The following SLC5A8 variants were observed in gnomAD, a reference collection of about 807,000 sequenced individuals.
The protein encoded by SLC5A8 is solute carrier family 5 member 8.
In SLC5A8, 55 loss-of-function variants were observed where a neutral mutation model predicts 71.9. That is an observed-to-expected ratio of 0.77 (90% CI 0.62 to 0.96). SLC5A8 has a LOEUF of 0.96. Among genes scored for constraint, SLC5A8 ranks in the 40% least tolerant of loss-of-function variants. The pLI is 0.00. For missense variants in SLC5A8, 701 were observed against 745.3 expected (o/e 0.94, Z 0.69); for synonymous variants, 307 against 276.1 (o/e 1.11, Z -1.11).
At chr12:101,163,343 T>C (rs563191888) in intron 12 of SLC5A8, among the ~76,000 whole-genome samples, 2 of 152,110 alleles carry the variant, frequency 1.3e-5, no homozygotes, top group Non-Finnish European at 2.9e-5. Flanking sequence ...ACCTGGGGCA[T>C]GGGGAGGGAG....
chr12:101,170,645 A>C (rs1378427123), intron 10 of SLC5A8, among the ~76,000 whole-genome samples: 2 of 152,134 alleles, frequency 1.3e-5, no homozygotes, highest in Non-Finnish European at 2.9e-5. Flanking sequence ...GGAAGATAGA[A>C]AACTCTTAGA....
chr12:101,181,784 T>A (rs1868374791), intron 9 of SLC5A8, among the ~76,000 whole-genome samples: 1 of 152,218 alleles, frequency 6.6e-6, no homozygotes, highest in East Asian at 1.9e-4. Flanking sequence ...TCTGAAATTA[T>A]GTTCCAGGAT....
chr12:101,179,593 A>T (rs2137141173), intron 10 of SLC5A8, among the ~76,000 whole-genome samples: 1 of 152,348 alleles, frequency 6.6e-6, no homozygotes, highest in African/African-American at 2.4e-5. Flanking sequence ...AAATTATAGA[A>T]ATGGAAAACA....
chr12:101,209,184 G>T (rs570709765), intron 1 of SLC5A8, among the ~76,000 whole-genome samples: 30 of 152,316 alleles, frequency 2.0e-4, no homozygotes, highest in Middle Eastern at 3.4e-3. Flanking sequence ...AATCAAAGAT[G>T]CTAAAGGTAG....
intron 14 of SLC5A8, 114 bp downstream of exon 14, chr12:101,158,135 G>A (rs1400665308): frequency 3.9e-6 from 3 of 761,786 alleles, no homozygotes; most frequent in East Asian, 2.5e-5. Context: ...ATTATATAGG[G>A]TCTATACCTT....
chr12:101,165,702 G>T (rs947550446), intron 12 of SLC5A8, among the ~76,000 whole-genome samples: 1 of 152,164 alleles, frequency 6.6e-6, no homozygotes, highest in African/African-American at 2.4e-5. Flanking sequence ...TCTCTCAGGA[G>T]TGTGTCCATT....
intron 3 of SLC5A8, among the ~76,000 whole-genome samples, chr12:101,198,168 A>G (rs1183947244): frequency 1.5e-4 from 23 of 152,050 alleles, no homozygotes; most frequent in Non-Finnish European, 3.1e-4. Context: ...CTGCAGATAA[A>G]GCAGTGTTTC....
At chr12:101,194,137 AAAT>A in intron 4 of SLC5A8, among the ~76,000 whole-genome samples, 1 of 152,300 alleles carries the variant, frequency 6.6e-6, no homozygotes, top group South Asian at 2.1e-4. Flanking sequence ...AATTACTAGT[AAAT>A]AATATGAATT....
chr12:101,204,578 A>C lies in SLC5A8; in HGVS notation c.352-13T>G. 6.4e-7 allele frequency: 1 copy of C among 1,570,138 alleles called. No homozygotes were observed. Among genetic ancestry groups the C allele is most frequent in the Non-Finnish European group, 8.6e-7 (1 of 1,160,886 alleles). ...GAAGTTCTAAATACTGTTGCAAAAA[A>C]AAAAATTATGCGAATCCTCTGGATG... is the stretch of plus-strand genomic sequence containing the variant. On this transcript the variant is annotated splice_polypyrimidine_tract_variant and intron_variant, in intron 1 of 14. Coordinates refer to ENST00000536262, the MANE Select transcript of SLC5A8 (RefSeq NM_145913.5).
chr12:101,186,386 G>A (rs566889224), intron 7 of SLC5A8, among the ~76,000 whole-genome samples: 15 of 152,248 alleles, frequency 9.9e-5, no homozygotes, highest in African/African-American at 3.6e-4. Context: ...TTTTCTGGGA[G>A]CATGAGATGC....
At chr12:101,159,392 A>G (rs1482558052) in intron 13 of SLC5A8, among the ~76,000 whole-genome samples, 1 of 152,232 alleles carries the variant, frequency 6.6e-6, no homozygotes, top group African/African-American at 2.4e-5. Flanking sequence ...TCTACTTAGG[A>G]AACTATTTGC....
At chr12:101,178,229 C>G (rs2051899026) in intron 10 of SLC5A8, among the ~76,000 whole-genome samples, 2 of 152,048 alleles carry the variant, frequency 1.3e-5, no homozygotes, top group African/African-American at 4.8e-5. Flanking sequence ...GTCATTTCTT[C>G]TCAAATGGAT....
chr12:101,175,082 G>A (rs182083855), intron 10 of SLC5A8, among the ~76,000 whole-genome samples: 6 of 151,826 alleles, frequency 4.0e-5, no homozygotes, highest in Non-Finnish European at 7.4e-5. Context: ...AATATATATA[G>A]AGAGAAAAAT....
rs768578179 is a variant in SLC5A8, at chr12:101,184,246, C to T, written c.964-24G>A. ...AGCTGAAAAATTCCAAAATTTATTT[C>T]CAAGTACTTTCGCTACTGAATAAAA... On this transcript the variant is annotated intron_variant, in intron 7 of 14. Transcript: ENST00000536262. 1.0e-5 allele frequency: 16 copies of T among 1,592,584 alleles called. No individual in the cohort carries two copies. In the Admixed American group the frequency reaches 1.2e-4, roughly 12 times the overall value.
At chr12:101,158,226 A>T in intron 14 of SLC5A8, 23 bp downstream of exon 14, 1 of 1,507,502 alleles carries the variant, frequency 6.6e-7, no homozygotes, top group Non-Finnish European at 9.2e-7. Flanking sequence ...TTCCTAACTC[A>T]AGGTAAATGA....
chr12:101,197,058 A>C (rs1452471809), intron 3 of SLC5A8, among the ~76,000 whole-genome samples: 3 of 152,252 alleles, frequency 2.0e-5, no homozygotes, highest in African/African-American at 4.8e-5. Flanking sequence ...ATGCTATGAA[A>C]TAACAGCAAA....
At chr12:101,199,282 A>C (rs1162850379) in intron 3 of SLC5A8, 1 of 151,994 alleles carries the variant, frequency 6.6e-6, no homozygotes, top group Non-Finnish European at 1.5e-5. Flanking sequence ...AAAATATGGA[A>C]TGCTTCACAA....
chr12:101,183,813 A>G (rs1386986582), intron 8 of SLC5A8, among the ~76,000 whole-genome samples: 1 of 152,190 alleles, frequency 6.6e-6, no homozygotes, highest in Non-Finnish European at 1.5e-5. Context: ...TGTGTTTTCA[A>G]TCAAGACTGT....
chr12:101,190,285 A>G (rs1175975171), intron 6 of SLC5A8, among the ~76,000 whole-genome samples, 183 bp downstream of exon 6: 1 of 152,226 alleles, frequency 6.6e-6, no homozygotes, highest in Non-Finnish European at 1.5e-5. Flanking sequence ...ATATTTTCAA[A>G]TAGCTGATTT....
Sources: gnomAD v4.1 joint callset for allele counts (sites outside exome capture counted in the v4.1 genomes callset) on GRCh38, gnomAD v4.1.1 for gene constraint, MANE v1.5 for transcripts, NCBI Gene and HGNC (gene_info 2026-07-23, HGNC 2026-07-21) for gene names.